The following MRTFB variants were observed in gnomAD, a reference collection of about 807,000 sequenced individuals.
MRTFB encodes the protein myocardin related transcription factor B, also known as myocardin-related transcription factor B.
In MRTFB, 29 loss-of-function variants were observed where a neutral mutation model predicts 104.2. The observed-to-expected ratio is 0.28, with a 90% CI of 0.21 to 0.38. MRTFB has a LOEUF of 0.38. Ranked by LOEUF, MRTFB falls within the 10% of genes least tolerant of loss-of-function variation. The probability of loss-of-function intolerance (pLI) is 1.00; values close to 1 mark genes in which losing one functional copy is unlikely to be tolerated. For missense variants in MRTFB, 1,270 were observed against 1,341.6 expected (o/e 0.95, Z 0.83); for synonymous variants, 535 against 519.5 (o/e 1.03, Z -0.41).
rs369600836 is a variant in MRTFB at position 14,247,237 on chromosome 16, C to T, written c.1977C>T (p.His659=). Residue 659 remains histidine, a synonymous_variant, in exon 12 of 17, where the codon CAC becomes CAT. Transcript: ENST00000571589. ...SSRQPIPVAS[H]AVGQPVSTGG... ...GGCAGCCCATCCCAGTAGCCAGCCA[C>T]GCTGTAGGCCAGCCCGTCTCTACAG... 1.7e-5 allele frequency: 28 copies of T among 1,614,090 alleles called. No homozygotes were observed. The highest frequency in any genetic ancestry group is 1.6e-4 in the Middle Eastern group (1 of 6,084).
chr16:14,034,243 T>C, the MRTFB span, among the ~76,000 whole-genome samples: 1 of 152,224 alleles, frequency 6.6e-6, no homozygotes, highest in Admixed American at 6.5e-5. Flanking sequence ...TTTGGTTCCT[T>C]CTGGAAGCTG....
chr16:14,185,917 A>T (rs910526184), intron 3 of MRTFB, among the ~76,000 whole-genome samples: 3 of 152,212 alleles, frequency 2.0e-5, no homozygotes, highest in Admixed American at 1.3e-4. Context: ...CCCTATATGC[A>T]GTGAACAGCA....
intron 2 of MRTFB, among the ~76,000 whole-genome samples, chr16:14,101,100 C>G (rs2035675617): frequency 6.9e-6 from 1 of 143,892 alleles, no homozygotes; most frequent in Admixed American, 6.9e-5. Flanking sequence ...TGCTTACTCT[C>G]TCTGTGGGTA....
chr16:14,187,382 A>G (rs2039994402), intron 3 of MRTFB, among the ~76,000 whole-genome samples: 1 of 151,864 alleles, frequency 6.6e-6, no homozygotes, highest in African/African-American at 2.4e-5. Flanking sequence ...TTTTTATGTT[A>G]GTGAGAACAC....
intron 8 of MRTFB, among the ~76,000 whole-genome samples, chr16:14,220,004 C>T (rs1033350527): frequency 3.3e-5 from 5 of 152,180 alleles, no homozygotes; most frequent in African/African-American, 1.2e-4. Flanking sequence ...GCTTGTTTCT[C>T]TTCTCCTTCC....
At chr16:14,030,795 G>A in the MRTFB span, among the ~76,000 whole-genome samples, 1 of 152,152 alleles carries the variant, frequency 6.6e-6, no homozygotes, top group Non-Finnish European at 1.5e-5. Context: ...GGAGCCACTG[G>A]GAATTCAAGC....
In MRTFB at chr16:14,140,639, T is replaced by A; in HGVS notation, c.33T>A (p.Asp11Glu). The A allele has an allele frequency of 6.2e-7, 1 of 1,614,188 alleles. No homozygotes were observed. ...ACACAGGGGCGATAGACACCGAGGA[T>A]GAAGTGGGACCTTTAGCCCATCTTG... MDHTGAIDTEDEVGPLAHLAP... is the reference protein window; with the variant it reads MDHTGAIDTEEEVGPLAHLAP... Residue 11 changes from aspartate (D) to glutamate (E), a missense_variant, in exon 3 of 17, where the codon GAT becomes GAA. Asp to Glu is a conservative substitution (Grantham distance 45). Coordinates refer to ENST00000571589, the MANE Select transcript of MRTFB (RefSeq NM_001308142.2).
chr16:14,052,476 G>A, the MRTFB span, among the ~76,000 whole-genome samples: 1,737 of 152,018 alleles, frequency 0.011, 39 homozygotes, highest in African/African-American at 0.039. Flanking sequence ...AGTGGCTCAC[G>A]CGTGTAATAC....
intron 2 of MRTFB, among the ~76,000 whole-genome samples, chr16:14,111,589 G>T (rs1212211626): frequency 6.6e-6 from 1 of 152,196 alleles, no homozygotes; most frequent in East Asian, 1.9e-4. Flanking sequence ...GACCTGCATG[G>T]GCAAACTGAG....
chr16:14,169,947 A>G (rs2039369269), intron 3 of MRTFB, among the ~76,000 whole-genome samples: 1 of 152,214 alleles, frequency 6.6e-6, no homozygotes. Flanking sequence ...TTCATCATAG[A>G]TATAACACAT....
At chr16:14,221,563 C>T (rs982733440) in intron 8 of MRTFB, among the ~76,000 whole-genome samples, 8 of 152,082 alleles carry the variant, frequency 5.3e-5, no homozygotes, top group African/African-American at 9.7e-5. Flanking sequence ...GCCACAAAGA[C>T]GAGCTATGAC....
At chr16:14,243,445 C>T (rs1349732257) in intron 10 of MRTFB, among the ~76,000 whole-genome samples, 6 of 152,232 alleles carry the variant, frequency 3.9e-5, no homozygotes, top group Admixed American at 3.9e-4. Context: ...AGTCTCTTGG[C>T]TTCAGCACCA....
the MRTFB span, among the ~76,000 whole-genome samples, chr16:14,041,104 G>A: frequency 6.6e-6 from 1 of 151,980 alleles, no homozygotes; most frequent in Non-Finnish European, 1.5e-5. Flanking sequence ...CTGCACTCCT[G>A]CCTGGGCAAC....
chr16:14,025,888 GA>G, the MRTFB span, among the ~76,000 whole-genome samples: 19 of 151,944 alleles, frequency 1.3e-4, no homozygotes, highest in African/African-American at 3.9e-4. Context: ...ATCACTCAGG[GA>G]AAAAAACCCT....
chr16:14,226,702 T>C (rs575483711), intron 8 of MRTFB, among the ~76,000 whole-genome samples: 1 of 152,200 alleles, frequency 6.6e-6, no homozygotes, highest in African/African-American at 2.4e-5. Context: ...TGGCCAGACA[T>C]GGTGACTCAC....
upstream of MRTFB, among the ~76,000 whole-genome samples, chr16:14,066,729 G>A (rs972039740): frequency 2.0e-5 from 3 of 152,058 alleles, no homozygotes; most frequent in African/African-American, 4.8e-5. Context: ...CTGGAGTGCA[G>A]TGGCACGATC....
intron 2 of MRTFB, among the ~76,000 whole-genome samples, chr16:14,099,379 T>TG (rs985762446): frequency 4.9e-5 from 7 of 142,704 alleles, no homozygotes; most frequent in African/African-American, 1.8e-4. Flanking sequence ...GTTTTTTTGG[T>TG]GGGTTTTTTT....
At chr16:14,099,037 A>C (rs1390097969) in intron 2 of MRTFB, among the ~76,000 whole-genome samples, 1 of 152,176 alleles carries the variant, frequency 6.6e-6, no homozygotes, top group African/African-American at 2.4e-5. Flanking sequence ...AATTTTTTAC[A>C]AAGTTGTTTG....
At position 14,235,113 on chromosome 16, in the gene MRTFB, G is replaced by T. The variant is rs145929289; in HGVS notation, c.831+830G>T. On this transcript the variant is annotated intron_variant, in intron 9 of 16. Transcript: ENST00000571589. ...CCGAATCCAAGTCTAGCTCTCTCCT[G>T]CCTCCCCAACCTGTTGCAGAACTCT... Among the ~76,000 whole-genome samples, 18 of 152,266 alleles carry T rather than the reference G, an allele frequency of 1.2e-4. No individual in the cohort carries two copies. In the East Asian group the frequency reaches 3.5e-3, roughly 29 times the overall value.
Sources: gnomAD v4.1 joint callset for allele counts (sites outside exome capture counted in the v4.1 genomes callset) on GRCh38, gnomAD v4.1.1 for gene constraint, MANE v1.5 for transcripts, NCBI Gene and HGNC (gene_info 2026-07-23, HGNC 2026-07-21) for gene names.